TMPRSS11B: variants seen among roughly 807,000 people sequenced by gnomAD.
TMPRSS11B encodes transmembrane protease serine 11B.
In TMPRSS11B, 53 loss-of-function variants were observed where a neutral mutation model predicts 44.7. That is an observed-to-expected ratio of 1.19 (90% CI 0.95 to 1.49). TMPRSS11B has a LOEUF of 1.49. TMPRSS11B is among the 40% of genes most tolerant of loss of function. The probability of loss-of-function intolerance (pLI) is 0.00; values close to 1 mark genes in which losing one functional copy is unlikely to be tolerated. For synonymous variants in TMPRSS11B, 140 were observed against 159.2 expected (o/e 0.88, Z 0.91); for missense variants, 526 against 494.8 (o/e 1.06, Z -0.60).
chr4:68,240,873 C>A (rs541148688), intron 2 of TMPRSS11B, among the ~76,000 whole-genome samples: 22 of 152,106 alleles, frequency 1.4e-4, no homozygotes, highest in African/African-American at 4.8e-4. Context: ...TTATATATTT[C>A]AGAGATATAA....
chr4:68,230,505 C>A (rs1256066161), intron 7 of TMPRSS11B, among the ~76,000 whole-genome samples: 1 of 152,046 alleles, frequency 6.6e-6, no homozygotes, highest in Non-Finnish European at 1.5e-5. Flanking sequence ...CATTCAGTTT[C>A]TATTATTTAA....
At chr4:68,230,739 G>A (rs1415667748) in intron 7 of TMPRSS11B, among the ~76,000 whole-genome samples, 1 of 150,854 alleles carries the variant, frequency 6.6e-6, no homozygotes, top group Non-Finnish European at 1.5e-5. Flanking sequence ...AGGAGGCAGA[G>A]TTTGCAGTGA....
At position 68,226,926 on chromosome 4, in the gene TMPRSS11B, T is replaced by C. The variant is rs556934756; in HGVS notation, c.*985A>G. On this transcript the variant is annotated 3_prime_UTR_variant, in exon 10 of 10. Coordinates refer to ENST00000332644, the MANE Select transcript of TMPRSS11B (RefSeq NM_182502.3). ...AATAATTGCCACTCAAAAGTCATTCTTTAATTCCTGACAAATTTTGGATGT... is the reference window on the plus strand; with the variant it reads ...AATAATTGCCACTCAAAAGTCATTCCTTAATTCCTGACAAATTTTGGATGT... 12 of 152,364 alleles carry C rather than the reference T, an allele frequency of 7.9e-5. No individual in the cohort carries two copies. In the East Asian group the frequency reaches 2.3e-3, roughly 29 times the overall value. The allele number at this position is 152,364 out of a possible 1,614,324, so 9.4% of individuals were successfully genotyped here.
At chr4:68,241,590 A>G (rs1359829192) in intron 2 of TMPRSS11B, 99 bp downstream of exon 2, 1 of 754,510 alleles carries the variant, frequency 1.3e-6, no homozygotes, top group African/African-American at 1.8e-5. Flanking sequence ...AAATAAGAAA[A>G]CTCCCAAGAA....
rs1421157998 is a variant in TMPRSS11B, at chr4:68,236,029, T to G, written c.281A>C (p.Tyr94Ser). 2.5e-6 allele frequency: 4 copies of G among 1,586,526 alleles called. No homozygotes were observed. The Admixed American group carries it at 7.1e-5, about 28-fold the overall frequency. The change falls in exon 4 of 10, where the codon TAT (tyrosine) becomes TCT (serine). Residue 94 changes from tyrosine (Y) to serine (S), a missense_variant. Physicochemically the swap from Tyr to Ser is moderately radical, Grantham distance 144. Coordinates refer to ENST00000332644, the MANE Select transcript of TMPRSS11B (RefSeq NM_182502.3). ...AAGTTTGATGACCTCAGATTTGACA[T>G]ATTCCTTATATATACTGGAATTTTG... ...AFQNSSIYKE[Y>S]VKSEVIKLLP...
chr4:68,237,345 G>T (rs1719700286), intron 2 of TMPRSS11B, among the ~76,000 whole-genome samples: 1 of 152,082 alleles, frequency 6.6e-6, no homozygotes, highest in Non-Finnish European at 1.5e-5. Context: ...TCATTGATGG[G>T]CATTTGGGTT....
At chr4:68,245,074 A>G (rs1339459920) in intron 1 of TMPRSS11B, among the ~76,000 whole-genome samples, 1 of 152,196 alleles carries the variant, frequency 6.6e-6, no homozygotes, top group African/African-American at 2.4e-5. Flanking sequence ...TGGAAAATTT[A>G]TGAAGTTTTG....
At chr4:68,244,933 A>C (rs1719959063) in intron 1 of TMPRSS11B, among the ~76,000 whole-genome samples, 1 of 152,164 alleles carries the variant, frequency 6.6e-6, no homozygotes, top group Non-Finnish European at 1.5e-5. Flanking sequence ...TTCCATAGAA[A>C]ACTTTAAATC....
At chr4:68,238,729 A>AAAAAC (rs1209152879) in intron 2 of TMPRSS11B, among the ~76,000 whole-genome samples, 1 of 151,012 alleles carries the variant, frequency 6.6e-6, no homozygotes, top group Non-Finnish European at 1.5e-5. Flanking sequence ...TCCATCTCCA[A>AAAAAC]AAAACAAAAC....
rs762756850 is a variant in TMPRSS11B, at chr4:68,245,540, G to A, written c.8+11C>T. On this transcript the variant is annotated intron_variant, in intron 1 of 9. Coordinates refer to ENST00000332644, the MANE Select transcript of TMPRSS11B (RefSeq NM_182502.3). ...TTGCCAACTTGCTCTCCCCAGTGAA[G>A]TCCCCTTTACCTGTACATAATGTTC... 2.1e-5 allele frequency: 34 copies of A among 1,613,388 alleles called. No homozygotes were observed. Among genetic ancestry groups the A allele is most frequent in the Non-Finnish European group, 2.7e-5 (32 of 1,179,606 alleles).
At chr4:68,242,225 T>G (rs1359040758) in intron 1 of TMPRSS11B, among the ~76,000 whole-genome samples, 2 of 82,420 alleles carry the variant, frequency 2.4e-5, no homozygotes, top group Admixed American at 4.0e-4. Flanking sequence ...TAATATTATA[T>G]TATATTATAT....
intron 2 of TMPRSS11B, among the ~76,000 whole-genome samples, chr4:68,241,041 G>GTAAAATCTGTCATCC (rs1719807656): frequency 6.6e-6 from 1 of 152,062 alleles, no homozygotes; most frequent in African/African-American, 2.4e-5. Context: ...AAGGATAGTA[G>GTAAAATCTGTCATCC]TAAAATCTGT....
chr4:68,230,464 T>C (rs1719476754), intron 7 of TMPRSS11B, among the ~76,000 whole-genome samples: 1 of 152,158 alleles, frequency 6.6e-6, no homozygotes, highest in South Asian at 2.1e-4. Flanking sequence ...AGGAAGCACC[T>C]AGTAACTGGA....
At position 68,228,087 on chromosome 4, in the gene TMPRSS11B, G is replaced by GA. The variant is rs767777613; in HGVS notation, c.1090-16dup. The GA allele has an allele frequency of 1.0e-5, 16 of 1,581,416 alleles. No homozygotes were observed. The highest frequency in any genetic ancestry group is 1.7e-4 in the Middle Eastern group (1 of 5,856). On this transcript the variant is annotated splice_polypyrimidine_tract_variant and intron_variant, in intron 9 of 9. Coordinates refer to ENST00000332644, the MANE Select transcript of TMPRSS11B (RefSeq NM_182502.3). ...CCAGAATCATTCTAGAAGAAGAAAA[G>GA]AAAAAAATGTTTCTTGTCTTAACAA... is the stretch of plus-strand genomic sequence containing the variant.
At chr4:68,237,138 G>C (rs1400280169) in intron 2 of TMPRSS11B, among the ~76,000 whole-genome samples, 1 of 151,956 alleles carries the variant, frequency 6.6e-6, no homozygotes, top group Non-Finnish European at 1.5e-5. Flanking sequence ...CCCTCCCTGT[G>C]TCCATGTGTT....
chr4:68,231,096 A>T, intron 7 of TMPRSS11B, 107 bp downstream of exon 7: 130 of 899,692 alleles, frequency 1.4e-4, no homozygotes, highest in Middle Eastern at 3.7e-4. Flanking sequence ...GTGATTGTAA[A>T]TTTCATATGG....
chr4:68,245,511 C>T (rs745573227), intron 1 of TMPRSS11B, 40 bp downstream of exon 1: 2 of 1,609,972 alleles, frequency 1.2e-6, no homozygotes, highest in African/African-American at 2.7e-5. Context: ...CAACTTGCTA[C>T]ATTTTGCCAA....
chr4:68,241,779 A>G lies in TMPRSS11B; in HGVS notation c.34T>C (p.Trp12Arg). The G allele has an allele frequency of 1.2e-6, 2 of 1,613,350 alleles. No homozygotes were observed. The highest frequency in any genetic ancestry group is 1.7e-6 in the Non-Finnish European group (2 of 1,179,468). ...YRHGISSQRS[W>R]PLWTTIFIFL... is the part of the protein sequence containing the mutation. ...ATAAAGATCGTAGTCCATAGTGGCC[A>G]AGATCTTTGGGAAGATATGCCGTGC... Residue 12 changes from tryptophan to arginine, a missense_variant, in exon 2 of 10, where the codon TGG (tryptophan) becomes CGG (arginine). Trp to Arg is a moderately radical substitution (Grantham distance 101). Transcript: ENST00000332644.
chr4:68,242,311 A>ATAATATATAAT (rs1560445587), intron 1 of TMPRSS11B, among the ~76,000 whole-genome samples: 83 of 7,416 alleles, frequency 0.011, 1 homozygote, highest in African/African-American at 0.023. Flanking sequence ...TAATATATAT[A>ATAATATATAAT]ATATTATATA....
Sources: gnomAD v4.1 joint callset for allele counts (sites outside exome capture counted in the v4.1 genomes callset) on GRCh38, gnomAD v4.1.1 for gene constraint, MANE v1.5 for transcripts, NCBI Gene and HGNC (gene_info 2026-07-23, HGNC 2026-07-21) for gene names.